Variants in CD99 observed in about 807,000 individuals in gnomAD.
CD99 encodes the protein CD99 antigen.
CD99 carries 19 observed loss-of-function variants against 28.4 expected under a neutral mutation model. The ratio of observed to expected loss-of-function variants is 0.67; its 90% CI spans 0.47 to 0.98. The LOEUF (loss-of-function observed/expected upper bound fraction) is 0.98, where lower values mean the gene tolerates loss of function less well. Ranked by LOEUF, CD99 falls within the 50% of genes least tolerant of loss-of-function variation. CD99 has a pLI of 0.00. For missense variants in CD99, 283 were observed against 248.8 expected (o/e 1.14, Z -0.92); for synonymous variants, 103 against 92.1 (o/e 1.12, Z -0.67).
intron 8 of CD99, chrX:2,727,171 AT>A: frequency 2.8e-6 from 2 of 709,886 alleles, no homozygotes; most frequent in Non-Finnish European, 5.3e-6. Flanking sequence ...AGCACAGCGG[AT>A]TCCCTTTCTG....
chrX:2,740,232 C>A (rs1226680458), intron 9 of CD99, among the ~76,000 whole-genome samples: 1 of 152,184 alleles, frequency 6.6e-6, no homozygotes. Flanking sequence ...AGTTGTCTGG[C>A]TTCATTAGCC....
At chrX:2,723,387 T>A in intron 7 of CD99, 23 bp downstream of exon 7, 1 of 1,613,508 alleles carries the variant, frequency 6.2e-7, no homozygotes, top group South Asian at 1.1e-5. Flanking sequence ...GGCTTCTGTC[T>A]TCTTGTCTCT....
At chrX:2,734,334 T>G (rs2049825193) in intron 8 of CD99, among the ~76,000 whole-genome samples, 1 of 151,968 alleles carries the variant, frequency 6.6e-6, no homozygotes, top group South Asian at 2.1e-4. Flanking sequence ...TAAATTGGAG[T>G]CTCACTCTGT....
intron 1 of CD99, among the ~76,000 whole-genome samples, chrX:2,704,890 T>A (rs890217661): frequency 6.6e-6 from 1 of 152,200 alleles, no homozygotes; most frequent in African/African-American, 2.4e-5. Context: ...AATTTTTGCA[T>A]TTTTTGTAGA....
chrX:2,712,591 G>T (rs1196623397), intron 1 of CD99, among the ~76,000 whole-genome samples: 2 of 152,084 alleles, frequency 1.3e-5, no homozygotes, highest in Non-Finnish European at 2.9e-5. Flanking sequence ...GCTGCAGGAG[G>T]AGCTGTAATT....
chrX:2,691,549 G>A, intron 1 of CD99, 122 bp downstream of exon 1: 1 of 1,123,980 alleles, frequency 8.9e-7, no homozygotes, highest in Non-Finnish European at 1.3e-6. Flanking sequence ...TCCCTGCCCG[G>A]CAGGACGCGC....
chrX:2,699,583 G>T (rs311041), intron 1 of CD99, among the ~76,000 whole-genome samples: 18,159 of 150,378 alleles, frequency 0.12, 1,818 homozygotes, highest in East Asian at 0.35. Context: ...TGATTCTTCT[G>T]CCTCAGCCTC....
At chrX:2,711,033 G>C (rs1396105948) in intron 1 of CD99, among the ~76,000 whole-genome samples, 1 of 150,530 alleles carries the variant, frequency 6.6e-6, no homozygotes, top group Admixed American at 6.6e-5. Context: ...ACCACGCCTG[G>C]CCAATTTTTT....
At chrX:2,717,427 C>A in intron 2 of CD99, 178 bp from the exon 3 acceptor site, 1 of 603,844 alleles carries the variant, frequency 1.7e-6, no homozygotes, top group Admixed American at 2.9e-5. Flanking sequence ...CTGTGTCTGT[C>A]TTCTGGGCTC....
At position 2,691,412 on chromosome X, in the gene CD99, C is replaced by T; in HGVS notation, c.52C>T (p.Leu18=). 2 of 1,584,742 alleles carry T rather than the reference C, an allele frequency of 1.3e-6. No homozygotes were observed. Among genetic ancestry groups the T allele is most frequent in the Non-Finnish European group, 1.7e-6 (2 of 1,174,510 alleles). ...GCTGCTCTTCGGCCTGCTGGGTGTT[C>T]TGGTCGCCGCCCCGGGTGAGCGAGC... is the stretch of plus-strand genomic sequence containing the variant. The part of the protein sequence containing the change: ...ALLLFGLLGV[L]VAAPDGGFDL... The change falls in exon 1 of 10, where the codon CTG becomes TTG. Residue 18 remains leucine (L), a synonymous_variant. Transcript: ENST00000381192.
intron 5 of CD99, among the ~76,000 whole-genome samples, chrX:2,722,185 A>T (rs905208091): frequency 6.6e-6 from 1 of 151,662 alleles, no homozygotes; most frequent in African/African-American, 2.4e-5. Context: ...TATTTTGTGT[A>T]TTGTATGCTT....
At chrX:2,735,585 T>C (rs2049890863) in intron 8 of CD99, among the ~76,000 whole-genome samples, 1 of 152,190 alleles carries the variant, frequency 6.6e-6, no homozygotes, top group Non-Finnish European at 1.5e-5. Flanking sequence ...AAGAATATCT[T>C]TTATGCTTTT....
intron 5 of CD99, among the ~76,000 whole-genome samples, chrX:2,720,635 T>C (rs1237189706): frequency 6.9e-6 from 1 of 144,576 alleles, no homozygotes; most frequent in Non-Finnish European, 1.5e-5. Context: ...TTTTTTTTTT[T>C]TTTTTTTGAG....
rs2050041352 is a variant in CD99 at position 2,738,189 on chromosome X, C to T, written c.476-11C>T. The T allele has an allele frequency of 2.5e-6, 4 of 1,613,564 alleles. No homozygotes were observed. Among genetic ancestry groups the T allele is most frequent in the Non-Finnish European group, 3.4e-6 (4 of 1,179,534 alleles). On this transcript the variant is annotated splice_polypyrimidine_tract_variant and intron_variant, in intron 8 of 9. Coordinates refer to ENST00000381192, the MANE Select transcript of CD99 (RefSeq NM_002414.5). Reference sequence around the variant, plus strand: ...ACTGAGCCTCTCTGTGTATTTTCTTCTTCTTTTCAGCAGAACAAGGGGAGG... The same window carrying T: ...ACTGAGCCTCTCTGTGTATTTTCTTTTTCTTTTCAGCAGAACAAGGGGAGG...
intron 1 of CD99, among the ~76,000 whole-genome samples, chrX:2,699,782 G>A (rs934189848): frequency 4.7e-4 from 72 of 152,126 alleles, no homozygotes; most frequent in Non-Finnish European, 8.7e-4. Context: ...AAAGCCCCTC[G>A]GAGGGTCTTC....
chrX:2,699,190 G>A (rs2047724111), intron 1 of CD99, among the ~76,000 whole-genome samples: 1 of 143,966 alleles, frequency 6.9e-6, no homozygotes, highest in African/African-American at 2.6e-5. Context: ...CTTTTTTTTA[G>A]ACAGAGTCTT....
chrX:2,713,662 G>A (rs1444127471), intron 1 of CD99, among the ~76,000 whole-genome samples: 3 of 152,180 alleles, frequency 2.0e-5, no homozygotes, highest in Non-Finnish European at 4.4e-5. Flanking sequence ...GGGCTCCTGC[G>A]GGTTGTTCTT....
chrX:2,738,028 A>G (rs1450206085), intron 8 of CD99, 172 bp from the exon 9 acceptor site: 1 of 741,804 alleles, frequency 1.3e-6, no homozygotes, highest in Non-Finnish European at 2.5e-6. Flanking sequence ...GTCTTCACTT[A>G]CATGAGTGTT....
In CD99 at chrX:2,713,591, C is replaced by T. The variant is rs187525073; in HGVS notation, c.68-831C>T. 1.3e-3 allele frequency among the ~76,000 whole-genome samples: 195 copies of T among 152,288 alleles called. 1 individual carries two copies. Among genetic ancestry groups the T allele is most frequent in the South Asian group, 2.7e-3 (13 of 4,820 alleles). ...TGCATGCACGCTTCATTTATACATG[C>T]AGGAGCATAGCCTGGTCGTTTGCAC... On this transcript the variant is annotated intron_variant, in intron 1 of 9. Coordinates refer to ENST00000381192, the MANE Select transcript of CD99 (RefSeq NM_002414.5).
Sources: allele counts gnomAD v4.1 joint callset (sites outside exome capture counted in the v4.1 genomes callset), GRCh38; gene constraint gnomAD v4.1.1; transcripts MANE v1.5; gene names NCBI Gene and HGNC (gene_info 2026-07-23, HGNC 2026-07-21).